The following NEK10 variants were observed in gnomAD, a reference collection of about 807,000 sequenced individuals.
NEK10 encodes NIMA related kinase 10, also known as serine/threonine-protein kinase Nek10.
In NEK10, 122 loss-of-function variants were observed where a neutral mutation model predicts 159.8. That is an observed-to-expected ratio of 0.76 (90% confidence interval 0.66 to 0.89). The LOEUF (loss-of-function observed/expected upper bound fraction) is 0.89. Ranked by LOEUF, NEK10 falls within the 40% of genes least tolerant of loss-of-function variation. NEK10 has a pLI of 0.00. For synonymous variants in NEK10, 466 were observed against 457.1 expected (o/e 1.02, Z -0.25); for missense variants, 1,342 against 1,323.1 (o/e 1.01, Z -0.22).
intron 5 of NEK10, among the ~76,000 whole-genome samples, chr3:27,325,981 A>C (rs930516786): frequency 6.6e-6 from 1 of 152,218 alleles, no homozygotes; most frequent in African/African-American, 2.4e-5. Context: ...CTGAAAATAG[A>C]GTCAGGATTC....
At chr3:27,169,954 T>G (rs1464471310) in intron 29 of NEK10, among the ~76,000 whole-genome samples, 1 of 151,864 alleles carries the variant, frequency 6.6e-6, no homozygotes, top group Non-Finnish European at 1.5e-5. Context: ...AAGCTGGGAG[T>G]TCATTTATCC....
intron 23 of NEK10, among the ~76,000 whole-genome samples, chr3:27,243,682 C>A (rs571072964): frequency 6.6e-6 from 1 of 152,262 alleles, no homozygotes; most frequent in South Asian, 2.1e-4. Context: ...AGCATCCACC[C>A]CAGCCCCAAT....
chr3:27,206,509 CAT>C, intron 23 of NEK10: 30 of 823,352 alleles, frequency 3.6e-5, no homozygotes, highest in Non-Finnish European at 4.4e-5. Context: ...TCTCAGATAC[CAT>C]ATAATGACCC....
intron 32 of NEK10, among the ~76,000 whole-genome samples, chr3:27,131,501 A>C (rs1942618258): frequency 1.3e-5 from 2 of 152,218 alleles, no homozygotes; most frequent in African/African-American, 4.8e-5. Context: ...ATAAAAAATC[A>C]ATGGCCCCAG....
chr3:27,236,339 T>A (rs1371859774), intron 23 of NEK10, among the ~76,000 whole-genome samples: 1 of 151,902 alleles, frequency 6.6e-6, no homozygotes, highest in African/African-American at 2.4e-5. Context: ...AAGAACAAAA[T>A]GTATATATAC....
intron 25 of NEK10, among the ~76,000 whole-genome samples, chr3:27,198,567 G>T (rs1387576041): frequency 6.6e-6 from 1 of 152,086 alleles, no homozygotes; most frequent in East Asian, 1.9e-4. Context: ...ATGGTGCTGG[G>T]ATAACTGGCT....
chr3:27,251,524 T>C (rs1301947282), intron 23 of NEK10, among the ~76,000 whole-genome samples: 2 of 152,198 alleles, frequency 1.3e-5, no homozygotes, highest in Admixed American at 6.5e-5. Context: ...CCATGTGATA[T>C]GCCTGCTCCC....
intron 33 of NEK10, among the ~76,000 whole-genome samples, chr3:27,117,359 G>A (rs1022606608): frequency 5.3e-5 from 8 of 152,166 alleles, no homozygotes; most frequent in African/African-American, 1.9e-4. Context: ...GGGATTGCTG[G>A]TTCAAATGGT....
chr3:27,242,575 G>A (rs943665468), intron 23 of NEK10, among the ~76,000 whole-genome samples: 1 of 152,140 alleles, frequency 6.6e-6, no homozygotes, highest in Non-Finnish European at 1.5e-5. Context: ...GGCTCCTAGG[G>A]GAAGGGACAG....
intron 23 of NEK10, among the ~76,000 whole-genome samples, chr3:27,236,591 G>A (rs1398817979): frequency 4.6e-5 from 7 of 152,086 alleles, no homozygotes; most frequent in African/African-American, 1.7e-4. Context: ...GGCCTCCAGG[G>A]GGTGACATCA....
chr3:27,120,765 T>G (rs1006195894), intron 32 of NEK10, among the ~76,000 whole-genome samples: 1 of 152,228 alleles, frequency 6.6e-6, no homozygotes, highest in Non-Finnish European at 1.5e-5. Flanking sequence ...ATTTAATGCC[T>G]TTCTATAAAG....
At chr3:27,260,946 T>G (rs1318505830) in intron 22 of NEK10, among the ~76,000 whole-genome samples, 1 of 152,216 alleles carries the variant, frequency 6.6e-6, no homozygotes, top group African/African-American at 2.4e-5. Context: ...TGGTTTAGTC[T>G]TGGGAGGGTG....
intron 30 of NEK10, among the ~76,000 whole-genome samples, chr3:27,160,150 C>T (rs1259662378): frequency 1.3e-5 from 2 of 152,072 alleles, no homozygotes; most frequent in African/African-American, 2.4e-5. Context: ...AATTTAAGTG[C>T]TTTACCTATT....
Position 27,295,685 on chromosome 3 carries a change from AT to A in NEK10, c.1235del (p.Asn412MetfsTer6). On this transcript the variant is annotated frameshift_variant, in exon 15 of 36. Transcript: ENST00000691995. LOFTEE classifies it high-confidence loss of function. ...TTAATTTTGCTATTGTATATACACCATTTTCCTGAAAGAATAAAGGGGTCAT... is the reference window on the plus strand; with the variant it reads ...TTAATTTTGCTATTGTATATACACCATTTCCTGAAAGAATAAAGGGGTCAT... ...DTNAHQVVQE[N>X]GVYTIAKLIL... 2 of 1,563,930 alleles carry A rather than the reference AT, an allele frequency of 1.3e-6. No individual in the cohort carries two copies. The highest frequency in any genetic ancestry group is 1.3e-5 in the African/African-American group (1 of 74,254).
chr3:27,318,845 CT>C (rs1393592291), intron 6 of NEK10, among the ~76,000 whole-genome samples: 9 of 151,980 alleles, frequency 5.9e-5, no homozygotes, highest in Non-Finnish European at 1.2e-4. Flanking sequence ...TAGATATGAA[CT>C]TGTGAACAAA....
At chr3:27,246,136 C>G (rs542902411) in intron 23 of NEK10, among the ~76,000 whole-genome samples, 1 of 152,066 alleles carries the variant, frequency 6.6e-6, no homozygotes, top group Non-Finnish European at 1.5e-5. Context: ...TTCTTTCTTG[C>G]GTTTTGTGAT....
rs748379730 is a variant in NEK10, at chr3:27,304,956, C to G, written c.819G>C (p.Leu273Phe). ...DLLSKRLTAE[L>F]LRLLCAEPQV... is the part of the protein sequence containing the mutation. Reference sequence around the variant, plus strand: ...GGGGCTCTGCACAAAGTAGGCGCAGCAACTCCGCTGTTAGTCTGAAAGGGG... The same window carrying G: ...GGGGCTCTGCACAAAGTAGGCGCAGGAACTCCGCTGTTAGTCTGAAAGGGG... The change falls in exon 12 of 36, where the codon TTG becomes TTC. Residue 273 changes from leucine to phenylalanine, a missense_variant. Coordinates refer to ENST00000691995, the MANE Select transcript of NEK10 (RefSeq NM_001394966.1). 2 of 1,611,294 alleles carry G rather than the reference C, an allele frequency of 1.2e-6. No individual in the cohort carries two copies. Among genetic ancestry groups the G allele is most frequent in the South Asian group, 2.2e-5 (2 of 90,914 alleles).
intron 23 of NEK10, among the ~76,000 whole-genome samples, chr3:27,212,026 T>G (rs927336538): frequency 1.3e-5 from 2 of 152,216 alleles, no homozygotes; most frequent in African/African-American, 4.8e-5. Flanking sequence ...CCAAATGCTA[T>G]GTCTATCGAT....
At chr3:27,300,045 G>C (rs1300266141) in intron 13 of NEK10, among the ~76,000 whole-genome samples, 1 of 152,154 alleles carries the variant, frequency 6.6e-6, no homozygotes, top group Non-Finnish European at 1.5e-5. Context: ...AGGCATGACT[G>C]GTTTTGAAAT....
Sources: gnomAD v4.1 joint callset for allele counts (sites outside exome capture counted in the v4.1 genomes callset) on GRCh38, gnomAD v4.1.1 for gene constraint, MANE v1.5 for transcripts, NCBI Gene and HGNC (gene_info 2026-07-23, HGNC 2026-07-21) for gene names.